CDH17: variants seen among roughly 807,000 people sequenced by gnomAD.
CDH17 encodes cadherin 17, also known as cadherin-17.
In CDH17, 67 loss-of-function variants were observed where a neutral mutation model predicts 86.3. That is an observed-to-expected ratio of 0.78 (90% CI 0.64 to 0.95). The LOEUF (loss-of-function observed/expected upper bound fraction) is 0.95, where lower values mean the gene tolerates loss of function less well. Among genes scored for constraint, CDH17 ranks in the 40% least tolerant of loss-of-function variants. The pLI, the probability that CDH17 is intolerant of heterozygous loss-of-function variation, is 0.00. For synonymous variants in CDH17, 367 were observed against 366.4 expected (o/e 1.00, Z -0.02); for missense variants, 993 against 1,017.6 (o/e 0.98, Z 0.33).
chr8:94,159,849 C>T (rs1586250104), intron 12 of CDH17, 122 bp downstream of exon 12: 2 of 632,176 alleles, frequency 3.2e-6, no homozygotes, highest in Non-Finnish European at 5.0e-6. Context: ...AATCCAGGAA[C>T]CCATCACCAT....
At chr8:94,181,034 A>G (rs1488314753) in intron 3 of CDH17, among the ~76,000 whole-genome samples, 1 of 152,142 alleles carries the variant, frequency 6.6e-6, no homozygotes, top group East Asian at 1.9e-4. Flanking sequence ...AAATGAGGAT[A>G]AAATTAACCT....
chr8:94,128,114 T>A lies in CDH17; in HGVS notation c.*126A>T. ...CCTCAAAAAAGAAATATTTAGCAAA[T>A]ATTAAAGGACAAGAGGGAATATCTG... On this transcript the variant is annotated 3_prime_UTR_variant, in exon 18 of 18. Transcript: ENST00000027335. The A allele has an allele frequency of 1.5e-6, 1 of 663,916 alleles. No homozygotes were observed. The highest frequency in any genetic ancestry group is 2.6e-6 in the Non-Finnish European group (1 of 382,256). The allele number at this position is 663,916 out of a possible 1,614,324, so 41.1% of individuals were successfully genotyped here. A position where few individuals can be genotyped will look rare whatever the true frequency, so the allele number is the denominator to read the frequency against.
At chr8:94,133,706 T>G (rs1376312266) in intron 15 of CDH17, among the ~76,000 whole-genome samples, 2 of 151,990 alleles carry the variant, frequency 1.3e-5, no homozygotes, top group African/African-American at 4.8e-5. Flanking sequence ...TGAATAGGAG[T>G]GGTGAGAGAG....
At chr8:94,163,535 G>T (rs28521190) in intron 10 of CDH17, among the ~76,000 whole-genome samples, 14,449 of 152,246 alleles carry the variant, frequency 0.095, 1,333 homozygotes, top group East Asian at 0.31. Flanking sequence ...TCCCCTCCCT[G>T]GCTCCTTCAG....
chr8:94,174,204 C>G lies in CDH17; in HGVS notation c.481G>C (p.Gly161Arg). ...TDLDDPATPN[G>R]QLYYQIVIQL... ...ATGACAATCTGGTAATAAAGCTGGC[C>G]ATTGGGAGTGGCCGGATCATCCAGG... Residue 161 changes from glycine (G) to arginine (R), a missense_variant, in exon 6 of 18, where the codon GGC becomes CGC. By Grantham distance (125) the Gly-to-Arg change is moderately radical. Transcript: ENST00000027335. The G allele has an allele frequency of 6.2e-7, 1 of 1,613,148 alleles. No individual in the cohort carries two copies. The highest frequency in any genetic ancestry group is 8.5e-7 in the Non-Finnish European group (1 of 1,179,744).
Position 94,135,287 on chromosome 8 carries a change from G to C in CDH17, c.2168-4295C>G, listed in dbSNP as rs1327465472. The stretch of plus-strand genomic sequence containing the variant: ...TAAAGTCTCCCATGATTATTGTGTG[G>C]GAGTCTAAGTCTTTGTAGGTCTCTA... On this transcript the variant is annotated intron_variant, in intron 15 of 17. Transcript: ENST00000027335. 2.0e-5 allele frequency among the ~76,000 whole-genome samples: 3 copies of C among 152,120 alleles called. No homozygotes were observed. In the East Asian group the frequency reaches 5.8e-4, roughly 29 times the overall value.
At chr8:94,133,648 T>C (rs1178126208) in intron 15 of CDH17, among the ~76,000 whole-genome samples, 1 of 152,202 alleles carries the variant, frequency 6.6e-6, no homozygotes, top group Non-Finnish European at 1.5e-5. Flanking sequence ...ATACCCTTTA[T>C]TTCTTTCTCT....
chr8:94,190,214 G>A (rs1813660516), intron 2 of CDH17, among the ~76,000 whole-genome samples: 1 of 152,212 alleles, frequency 6.6e-6, no homozygotes, highest in Admixed American at 6.5e-5. Context: ...CCCAGGTAGT[G>A]GCTGGAAGCA....
intron 15 of CDH17, among the ~76,000 whole-genome samples, chr8:94,137,808 A>G (rs6471432): frequency 0.21 from 31,894 of 152,202 alleles, 3,843 homozygotes; most frequent in African/African-American, 0.31. Context: ...AAGCTCCTGT[A>G]AGTACTGACT....
chr8:94,186,508 G>A (rs148592399), intron 3 of CDH17, among the ~76,000 whole-genome samples: 45 of 152,210 alleles, frequency 3.0e-4, no homozygotes, highest in Non-Finnish European at 4.6e-4. Flanking sequence ...ACCCCCAAGC[G>A]TCTTTTATAA....
chr8:94,207,048 G>A (rs1332605641), intron 1 of CDH17, among the ~76,000 whole-genome samples: 3 of 152,028 alleles, frequency 2.0e-5, no homozygotes, highest in African/African-American at 7.3e-5. Flanking sequence ...AGTTTCAAAG[G>A]ATGCCCCACC....
chr8:94,161,909 T>C (rs1450647433), intron 11 of CDH17, among the ~76,000 whole-genome samples, 177 bp downstream of exon 11: 1 of 152,210 alleles, frequency 6.6e-6, no homozygotes, highest in Non-Finnish European at 1.5e-5. Context: ...TAATAGTAAA[T>C]GTTATTGTTC....
In CDH17 at chr8:94,146,019, A is replaced by G; in HGVS notation, c.2076T>C (p.Asp692=). The G allele has an allele frequency of 6.2e-7, 1 of 1,613,934 alleles. No individual in the cohort carries two copies. The highest frequency in any genetic ancestry group is 8.5e-7 in the Non-Finnish European group (1 of 1,179,912). Residue 692 remains aspartate (D), a synonymous_variant, in exon 15 of 18, where the codon GAT becomes GAC. Transcript: ENST00000027335. ...APGSLIFEAT[D]DDQHLFRGPH... is the part of the protein sequence containing the mutation. ...GACCCCGAAATAAGTGCTGATCATC[A>G]TCAGTAGCCTCGAAAATGAGACTTC...
intron 15 of CDH17, among the ~76,000 whole-genome samples, chr8:94,144,238 C>T (rs186287208): frequency 2.8e-4 from 43 of 152,128 alleles, no homozygotes; most frequent in African/African-American, 9.9e-4. Context: ...GAACGTACGT[C>T]GACGTCGCAC....
intron 15 of CDH17, among the ~76,000 whole-genome samples, chr8:94,144,475 A>G (rs1211044733): frequency 6.6e-6 from 1 of 152,182 alleles, no homozygotes; most frequent in Non-Finnish European, 1.5e-5. Context: ...TGGAAGATCC[A>G]TTGGGCACGA....
At chr8:94,195,702 A>G (rs1422051372) in intron 1 of CDH17, among the ~76,000 whole-genome samples, 1 of 152,158 alleles carries the variant, frequency 6.6e-6, no homozygotes, top group Non-Finnish European at 1.5e-5. Flanking sequence ...GGCCTGGAAA[A>G]CAGTGTTGTT....
Position 94,159,999 on chromosome 8 carries a change from G to A in CDH17, c.1523C>T (p.Thr508Ile). Residue 508 changes from threonine to isoleucine, a missense_variant, in exon 12 of 18, where the codon ACC (threonine) becomes ATC (isoleucine). Coordinates refer to ENST00000027335, the MANE Select transcript of CDH17 (RefSeq NM_004063.4). ...GRLGVDTDPH[T>I]NTGYVIIKKP... is the part of the protein sequence containing the mutation. ...TTTAATTATGACATATCCGGTGTTG[G>A]TATGGGGATCTGTGTCAACCCCCAG... 1 of 1,612,106 alleles carries A rather than the reference G, an allele frequency of 6.2e-7. No homozygotes were observed.
At chr8:94,179,883 A>T (rs903414020) in intron 3 of CDH17, among the ~76,000 whole-genome samples, 2 of 152,224 alleles carry the variant, frequency 1.3e-5, no homozygotes, top group Non-Finnish European at 2.9e-5. Context: ...GAGTTGCCAC[A>T]TCACATTATT....
chr8:94,211,035 A>G (rs545162506), upstream of CDH17, among the ~76,000 whole-genome samples: 27 of 151,772 alleles, frequency 1.8e-4, no homozygotes, highest in East Asian at 5.8e-4. Context: ...AAAAAAAAAA[A>G]AAAGAAAACA....
Sources: gnomAD v4.1 joint callset for allele counts (sites outside exome capture counted in the v4.1 genomes callset) on GRCh38, gnomAD v4.1.1 for gene constraint, MANE v1.5 for transcripts, NCBI Gene and HGNC (gene_info 2026-07-23, HGNC 2026-07-21) for gene names.